ENOX1: variants seen among roughly 807,000 people sequenced by gnomAD.
The protein encoded by ENOX1 is candidate growth-related and time keeping constitutive hydroquinone (NADH) oxidase.
A neutral mutation model predicts 82.5 loss-of-function variants in ENOX1; 42 were observed. The observed-to-expected ratio is 0.51, with a 90% CI of 0.40 to 0.66. The LOEUF is 0.66. Ranked by LOEUF, ENOX1 falls within the 30% of genes least tolerant of loss-of-function variation. ENOX1 has a pLI of 0.00. For synonymous variants in ENOX1, 271 were observed against 282.2 expected (o/e 0.96, Z 0.40); for missense variants, 608 against 811.6 (o/e 0.75, Z 3.05).
intron 3 of ENOX1, among the ~76,000 whole-genome samples, chr13:43,445,707 C>A (rs1396876108): frequency 6.6e-6 from 1 of 152,142 alleles, no homozygotes; most frequent in Non-Finnish European, 1.5e-5. Context: ...CATAATAGGA[C>A]CATTACCAAG....
chr13:43,536,439 G>A (rs1197580149), intron 2 of ENOX1, among the ~76,000 whole-genome samples: 1 of 151,848 alleles, frequency 6.6e-6, no homozygotes, highest in East Asian at 1.9e-4. Flanking sequence ...GAAATTTATT[G>A]CTGATTTACT....
chr13:43,249,358 A>G (rs765203242), intron 14 of ENOX1, among the ~76,000 whole-genome samples: 1 of 152,224 alleles, frequency 6.6e-6, no homozygotes, highest in Non-Finnish European at 1.5e-5. Flanking sequence ...ACTCAAGTCC[A>G]CGCCCTTCAC....
In ENOX1 at chr13:43,711,481, C is replaced by T. The variant is rs187907085; in HGVS notation, c.-284-43937G>A. On this transcript the variant is annotated intron_variant, in intron 1 of 16. Transcript: ENST00000690772. ...AAATGGTATTTCTAGTTCTAGATCC[C>T]TGAGGAATCACCATACTGACTTCCA... Among the ~76,000 whole-genome samples the T allele has an allele frequency of 7.2e-3, 1,101 of 152,236 alleles. 12 individuals carry two copies. Among genetic ancestry groups the T allele is most frequent in the African/African-American group, 0.025 (1,053 of 41,536 alleles).
intron 2 of ENOX1, among the ~76,000 whole-genome samples, chr13:43,655,067 C>T (rs1364574229): frequency 6.6e-6 from 1 of 152,156 alleles, no homozygotes; most frequent in Non-Finnish European, 1.5e-5. Context: ...TACACTCAGA[C>T]CCCACTGCTG....
intron 1 of ENOX1, among the ~76,000 whole-genome samples, chr13:43,720,793 A>C (rs563942213): frequency 8.5e-5 from 13 of 152,234 alleles, no homozygotes; most frequent in Non-Finnish European, 1.8e-4. Flanking sequence ...GTGGATCCAC[A>C]ATGGGTGGGA....
intron 2 of ENOX1, among the ~76,000 whole-genome samples, chr13:43,628,553 T>C (rs900101001): frequency 2.6e-5 from 4 of 152,238 alleles, no homozygotes; most frequent in African/African-American, 9.6e-5. Context: ...ATTTCTACCA[T>C]AGCTGCTTTC....
intron 2 of ENOX1, among the ~76,000 whole-genome samples, chr13:43,626,520 T>C (rs927488236): frequency 6.6e-6 from 1 of 151,914 alleles, no homozygotes; most frequent in East Asian, 1.9e-4. Context: ...TTTCATTTAG[T>C]TCAATATATT....
At chr13:43,621,687 C>T (rs532607794) in intron 2 of ENOX1, among the ~76,000 whole-genome samples, 2 of 152,176 alleles carry the variant, frequency 1.3e-5, no homozygotes, top group African/African-American at 2.4e-5. Context: ...TCTTAAGATT[C>T]GTTCCTTCAT....
At chr13:43,403,184 G>C (rs2053594251) in intron 5 of ENOX1, among the ~76,000 whole-genome samples, 2 of 152,060 alleles carry the variant, frequency 1.3e-5, no homozygotes, top group Non-Finnish European at 2.9e-5. Context: ...GAGTACAACA[G>C]AGCAAATAAA....
Position 43,456,059 on chromosome 13 carries a change from A to G in ENOX1, c.-75+27950T>C, listed in dbSNP as rs182061962. On this transcript the variant is annotated intron_variant, in intron 3 of 16. Coordinates refer to ENST00000690772, the MANE Select transcript of ENOX1 (RefSeq NM_001347969.2). ...CCTCTGAATCATTTTATATTCTTCT[A>G]TAAGTTTAATTTCCAATACCTCCTT... Among the ~76,000 whole-genome samples, 470 of 152,238 alleles carry G rather than the reference A, an allele frequency of 3.1e-3. 4 individuals are homozygous for G. The highest frequency in any genetic ancestry group is 0.011 in the African/African-American group (453 of 41,548).
chr13:43,423,984 A>G (rs1398953866), intron 3 of ENOX1, among the ~76,000 whole-genome samples: 1 of 152,216 alleles, frequency 6.6e-6, no homozygotes, highest in African/African-American at 2.4e-5. Flanking sequence ...GAGAGACAGG[A>G]AAGAGTCGTC....
chr13:43,303,540 G>A (rs548753432), intron 11 of ENOX1, among the ~76,000 whole-genome samples: 139 of 152,320 alleles, frequency 9.1e-4, no homozygotes, highest in African/African-American at 3.0e-3. Context: ...GAGGGGGAGT[G>A]AGGATGCCTT....
At chr13:43,663,680 TGAATGAACAAAC>T (rs199653321) in intron 2 of ENOX1, among the ~76,000 whole-genome samples, 1,991 of 152,092 alleles carry the variant, frequency 0.013, 42 homozygotes, top group African/African-American at 0.045. Flanking sequence ...CATGAATGAA[TGAATGAACAAAC>T]GAATGAACAA....
At chr13:43,270,247 C>T (rs948665551) in intron 12 of ENOX1, among the ~76,000 whole-genome samples, 16 of 152,114 alleles carry the variant, frequency 1.1e-4, no homozygotes, top group Non-Finnish European at 1.0e-4. Flanking sequence ...AAAAGCACAG[C>T]GCTGCGCAGT....
chr13:43,281,578 G>A (rs1166813588), intron 12 of ENOX1, among the ~76,000 whole-genome samples: 1 of 151,252 alleles, frequency 6.6e-6, no homozygotes, highest in Non-Finnish European at 1.5e-5. Flanking sequence ...AGCTTTAGCA[G>A]TCCCCCTACT....
chr13:43,456,707 T>G (rs56098302), intron 3 of ENOX1, among the ~76,000 whole-genome samples: 1 of 152,178 alleles, frequency 6.6e-6, no homozygotes, highest in African/African-American at 2.4e-5. Flanking sequence ...TCTGATTCAA[T>G]GTAGCCTAAG....
intron 3 of ENOX1, among the ~76,000 whole-genome samples, chr13:43,449,199 A>G (rs1225338671): frequency 6.6e-6 from 1 of 152,186 alleles, no homozygotes; most frequent in Non-Finnish European, 1.5e-5. Flanking sequence ...TCATTATTTC[A>G]CGCACATTTC....
intron 2 of ENOX1, among the ~76,000 whole-genome samples, chr13:43,589,190 G>C (rs1214881470): frequency 7.5e-6 from 1 of 133,354 alleles, no homozygotes; most frequent in Non-Finnish European, 1.5e-5. Context: ...GACCAAACCA[G>C]GAACCCAGAG....
chr13:43,519,950 A>G (rs2077698883), intron 2 of ENOX1, among the ~76,000 whole-genome samples: 1 of 152,054 alleles, frequency 6.6e-6, no homozygotes, highest in Admixed American at 6.6e-5. Context: ...GACATGTATT[A>G]CATCTCCCTC....
Sources: gnomAD v4.1 joint callset for allele counts (sites outside exome capture counted in the v4.1 genomes callset) on GRCh38, gnomAD v4.1.1 for gene constraint, MANE v1.5 for transcripts, NCBI Gene and HGNC (gene_info 2026-07-23, HGNC 2026-07-21) for gene names.